Variants in TTC28 observed in about 807,000 individuals in gnomAD.
TTC28 encodes tetratricopeptide repeat protein 28.
A neutral mutation model predicts 198.0 loss-of-function variants in TTC28; 61 were observed. The observed-to-expected ratio is 0.31, with a 90% CI of 0.25 to 0.38. The LOEUF (loss-of-function observed/expected upper bound fraction) is 0.38, where lower values mean the gene tolerates loss of function less well. Ranked by LOEUF, TTC28 falls within the 10% of genes least tolerant of loss-of-function variation. TTC28 has a pLI of 1.00. For missense variants in TTC28, 2,678 were observed against 3,164.0 expected, an observed-to-expected ratio of 0.85 and a Z score of 3.69; for synonymous variants, 1,171 against 1,297.8, an observed-to-expected ratio of 0.90 and a Z score of 2.10.
chr22:28,288,765 A>G (rs2044734320), intron 5 of TTC28, among the ~76,000 whole-genome samples: 1 of 150,940 alleles, frequency 6.6e-6, no homozygotes, highest in African/African-American at 2.4e-5. Context: ...GTGAGCCGAG[A>G]TCACGCTACT....
intron 2 of TTC28, among the ~76,000 whole-genome samples, chr22:28,604,283 G>GAA (rs754524103): frequency 1.3e-5 from 1 of 77,354 alleles, no homozygotes; most frequent in Non-Finnish European, 2.5e-5. Context: ...GTCTTAAACA[G>GAA]AAAAAAAAAA....
chr22:28,365,708 A>G (rs1205092257), intron 2 of TTC28, among the ~76,000 whole-genome samples: 1 of 152,250 alleles, frequency 6.6e-6, no homozygotes, highest in African/African-American at 2.4e-5. Context: ...TAACACATGT[A>G]CACATGCATA....
chr22:28,404,060 A>T (rs1375172086), intron 2 of TTC28, among the ~76,000 whole-genome samples: 2 of 152,168 alleles, frequency 1.3e-5, no homozygotes, highest in East Asian at 3.9e-4. Context: ...ATAGCTACTA[A>T]CAAAAAGACA....
At chr22:28,304,975 T>A (rs146423843) in intron 3 of TTC28, among the ~76,000 whole-genome samples, 23,056 of 133,314 alleles carry the variant, frequency 0.17, 2,307 homozygotes, top group Non-Finnish European at 0.24. Context: ...TTATTTATTA[T>A]TTATTTATTT....
At chr22:28,321,471 C>T (rs1035945248) in intron 2 of TTC28, among the ~76,000 whole-genome samples, 5 of 152,112 alleles carry the variant, frequency 3.3e-5, no homozygotes, top group Admixed American at 6.5e-5. Flanking sequence ...AGGTTAATTG[C>T]ACACCATTAA....
chr22:28,175,401 A>G (rs1156829178), intron 5 of TTC28, among the ~76,000 whole-genome samples: 1 of 152,242 alleles, frequency 6.6e-6, no homozygotes, highest in Non-Finnish European at 1.5e-5. Context: ...TAAGGAACTT[A>G]AACAACTCAA....
chr22:28,318,128 T>C (rs1167451451), intron 2 of TTC28, among the ~76,000 whole-genome samples: 1 of 151,234 alleles, frequency 6.6e-6, no homozygotes, highest in African/African-American at 2.4e-5. Flanking sequence ...CAGGCTGGTC[T>C]CAAACTCCTG....
At chr22:28,061,504 G>T (rs1256688544) in intron 12 of TTC28, among the ~76,000 whole-genome samples, 2 of 152,124 alleles carry the variant, frequency 1.3e-5, no homozygotes, top group Non-Finnish European at 2.9e-5. Context: ...TTTTTCTCAG[G>T]TTTGTCAAAG....
intron 1 of TTC28, among the ~76,000 whole-genome samples, chr22:28,631,786 A>G (rs894981244): frequency 2.6e-5 from 4 of 152,092 alleles, no homozygotes; most frequent in African/African-American, 9.7e-5. Context: ...TTGGCTTCCC[A>G]AACTGCTGGG....
chr22:27,999,183 T>C lies in TTC28; in HGVS notation c.4476A>G (p.Pro1492=), dbSNP rs914670498. ...MAAVIGNPKL[P]SAVMDRWLWG... is the part of the protein sequence containing the mutation. ...ACAGCCACCTGTCCATCACGGCCGA[T>C]GGTAGCTTGGGGTTGCCGATGACAG... Residue 1492 remains proline, a synonymous_variant, in exon 16 of 23, where the codon CCA becomes CCG. Coordinates refer to ENST00000397906, the MANE Select transcript of TTC28 (RefSeq NM_001145418.2). 1 of 1,550,756 alleles carries C rather than the reference T, an allele frequency of 6.4e-7. No individual in the cohort carries two copies. The highest frequency in any genetic ancestry group is 1.7e-4 in the Middle Eastern group (1 of 5,992).
At chr22:28,670,704 C>CAT (rs146059811) in intron 1 of TTC28, among the ~76,000 whole-genome samples, 13,559 of 128,310 alleles carry the variant, frequency 0.11, 1,332 homozygotes, top group African/African-American at 0.15. Context: ...GTCTTTAGGG[C>CAT]ATATATATAT....
At chr22:28,465,375 T>C (rs1192076473) in intron 2 of TTC28, among the ~76,000 whole-genome samples, 3 of 152,046 alleles carry the variant, frequency 2.0e-5, no homozygotes, top group Non-Finnish European at 4.4e-5. Flanking sequence ...CCTGTAATCC[T>C]AGCACTTTGG....
intron 2 of TTC28, among the ~76,000 whole-genome samples, chr22:28,365,014 C>T (rs2046225401): frequency 6.6e-6 from 1 of 152,134 alleles, no homozygotes; most frequent in Non-Finnish European, 1.5e-5. Flanking sequence ...GCATTGCATG[C>T]TACAGAGAAA....
At chr22:28,268,030 T>C (rs1931798820) in intron 5 of TTC28, among the ~76,000 whole-genome samples, 1 of 152,188 alleles carries the variant, frequency 6.6e-6, no homozygotes, top group Non-Finnish European at 1.5e-5. Context: ...AAGAACAGGC[T>C]CTTTATTGTC....
At chr22:28,307,964 A>G (rs921119061) in intron 2 of TTC28, among the ~76,000 whole-genome samples, 1 of 152,184 alleles carries the variant, frequency 6.6e-6, no homozygotes, top group Non-Finnish European at 1.5e-5. Flanking sequence ...TGTTTACAAG[A>G]TATATTTACT....
At chr22:28,082,692 T>G (rs76293896) in intron 12 of TTC28, among the ~76,000 whole-genome samples, 1 of 152,224 alleles carries the variant, frequency 6.6e-6, no homozygotes. Context: ...ATGATAAATA[T>G]TGGTCTACAG....
intron 2 of TTC28, among the ~76,000 whole-genome samples, chr22:28,611,336 T>C (rs190587748): frequency 1.3e-5 from 2 of 152,042 alleles, no homozygotes; most frequent in Admixed American, 1.3e-4. Context: ...TTACCCACAA[T>C]GGGAAGCCCA....
intron 2 of TTC28, among the ~76,000 whole-genome samples, chr22:28,349,145 C>T (rs1031466324): frequency 3.9e-5 from 6 of 152,074 alleles, no homozygotes; most frequent in African/African-American, 1.4e-4. Flanking sequence ...ATGAAACCTT[C>T]CCAAGTTCAT....
intron 5 of TTC28, among the ~76,000 whole-genome samples, chr22:28,269,733 G>A (rs867198465): frequency 1.3e-5 from 2 of 152,172 alleles, no homozygotes; most frequent in South Asian, 2.1e-4. Context: ...AACAGGAGAG[G>A]AGGGGAGCCA....
Sources: allele counts gnomAD v4.1 joint callset (sites outside exome capture counted in the v4.1 genomes callset), GRCh38; gene constraint gnomAD v4.1.1; transcripts MANE v1.5; gene names NCBI Gene and HGNC (gene_info 2026-07-23, HGNC 2026-07-21).